Variants in LUZP2 observed in about 807,000 individuals in gnomAD.
LUZP2 encodes leucine zipper protein 2.
Under a neutral mutation model 51.6 loss-of-function variants are expected in LUZP2, and 52 were observed. That is an observed-to-expected ratio of 1.01 (90% CI 0.81 to 1.27). The LOEUF (loss-of-function observed/expected upper bound fraction) is 1.27. Ranked by LOEUF, LUZP2 falls within the 50% of genes most tolerant of loss-of-function variation. The pLI is 0.00. For synonymous variants in LUZP2, 154 were observed against 137.3 expected (o/e 1.12, Z -0.85); for missense variants, 436 against 395.4 (o/e 1.10, Z -0.87).
At chr11:24,629,511 ATT>A (rs1854801503) in intron 1 of LUZP2, among the ~76,000 whole-genome samples, 1 of 145,854 alleles carries the variant, frequency 6.9e-6, no homozygotes, top group African/African-American at 2.5e-5. Flanking sequence ...TTACATATAT[ATT>A]ATATATATTC....
intron 1 of LUZP2, among the ~76,000 whole-genome samples, chr11:24,554,701 A>ATTTTT (rs397747044): frequency 0.14 from 18,056 of 133,400 alleles, 1,589 homozygotes; most frequent in African/African-American, 0.18. Context: ...TGGTTATTTA[A>ATTTTT]TTTTTTTTTT....
chr11:24,790,000 T>C (rs1849364590), intron 5 of LUZP2, among the ~76,000 whole-genome samples: 1 of 152,232 alleles, frequency 6.6e-6, no homozygotes, highest in African/African-American at 2.4e-5. Flanking sequence ...GAGTTATCCA[T>C]GCTCTTATCT....
At position 24,497,210 on chromosome 11, in the gene LUZP2, C is replaced by G. The variant is rs1849851973; in HGVS notation, c.-34C>G. On this transcript the variant is annotated 5_prime_UTR_variant, in exon 1 of 12. Transcript: ENST00000336930. ...GGATCCCGAAGAGAGAGAGAGAAGG[C>G]AGCGAGGGAAGGAGGACCCCGGCAG... 2 of 1,503,384 alleles carry G rather than the reference C, an allele frequency of 1.3e-6. No individual in the cohort carries two copies. The highest frequency in any genetic ancestry group is 3.9e-5 in the Admixed American group (2 of 50,872). The allele number at this position is 1,503,384 out of a possible 1,614,324, so 93.1% of individuals were successfully genotyped here. A position where few individuals can be genotyped will look rare whatever the true frequency, so the allele number is the denominator to read the frequency against.
chr11:24,763,779 A>G (rs191858629), intron 5 of LUZP2, among the ~76,000 whole-genome samples: 2 of 152,282 alleles, frequency 1.3e-5, no homozygotes, highest in African/African-American at 2.4e-5. Flanking sequence ...TAAGCATCCT[A>G]TTAAATACTG....
At chr11:24,966,679 T>C (rs1360804160) in intron 7 of LUZP2, among the ~76,000 whole-genome samples, 1 of 147,992 alleles carries the variant, frequency 6.8e-6, no homozygotes, top group Non-Finnish European at 1.5e-5. Flanking sequence ...TTGTGAAATA[T>C]ATATTTTATA....
intron 5 of LUZP2, among the ~76,000 whole-genome samples, chr11:24,809,079 CT>C (rs1286950864): frequency 6.6e-6 from 1 of 152,010 alleles, no homozygotes; most frequent in Non-Finnish European, 1.5e-5. Context: ...ATATTAAGAA[CT>C]TATGACATGG....
At position 24,779,184 on chromosome 11, in the gene LUZP2, T is replaced by A. The variant is rs530564243; in HGVS notation, c.396+15876T>A. Among the ~76,000 whole-genome samples, 18 of 152,336 alleles carry A rather than the reference T, an allele frequency of 1.2e-4. No individual in the cohort carries two copies. In the South Asian group the frequency reaches 1.4e-3, roughly 12 times the overall value. ...TAACTTTAAAAGAAGTTGATTTTTT[T>A]AAAATAAAACATTATTTTCTGCGTT... On this transcript the variant is annotated intron_variant, in intron 5 of 11. Transcript: ENST00000336930.
At chr11:25,043,822 T>C (rs1295394707) in intron 9 of LUZP2, among the ~76,000 whole-genome samples, 1 of 147,776 alleles carries the variant, frequency 6.8e-6, no homozygotes, top group African/African-American at 2.5e-5. Context: ...AAAAAGTACA[T>C]AAATTGCAGT....
At chr11:24,728,165 C>G (rs144569307) in intron 1 of LUZP2, among the ~76,000 whole-genome samples, 1 of 151,818 alleles carries the variant, frequency 6.6e-6, no homozygotes, top group East Asian at 1.9e-4. Flanking sequence ...ACTTGTCGAC[C>G]CATCTTTCAC....
chr11:25,065,849 C>T (rs1027136902), intron 10 of LUZP2, among the ~76,000 whole-genome samples: 4 of 152,010 alleles, frequency 2.6e-5, no homozygotes, highest in South Asian at 2.1e-4. Context: ...TTTTCATGCT[C>T]ACTCATACAC....
intron 9 of LUZP2, among the ~76,000 whole-genome samples, chr11:25,030,930 AATATATATTATATATAT>A (rs1565254564): frequency 0.049 from 366 of 7,446 alleles, 35 homozygotes; most frequent in Admixed American, 0.093. Flanking sequence ...ATATATATAT[AATATATATTATATATAT>A]TATATATATA....
intron 5 of LUZP2, among the ~76,000 whole-genome samples, chr11:24,822,378 C>A (rs1850387091): frequency 6.6e-6 from 1 of 152,090 alleles, no homozygotes; most frequent in Non-Finnish European, 1.5e-5. Context: ...AGATTTCCCT[C>A]TTTGCATGTT....
intron 1 of LUZP2, among the ~76,000 whole-genome samples, chr11:24,565,839 G>A (rs1188498712): frequency 6.6e-6 from 1 of 151,982 alleles, no homozygotes; most frequent in Admixed American, 6.6e-5. Flanking sequence ...AATATTAGGT[G>A]GTTTCTTTAT....
At chr11:24,997,974 T>A (rs1292256151) in intron 9 of LUZP2, among the ~76,000 whole-genome samples, 1 of 152,184 alleles carries the variant, frequency 6.6e-6, no homozygotes, top group Non-Finnish European at 1.5e-5. Context: ...GTTCCATTGA[T>A]CTGTATCTCT....
chr11:24,506,575 C>G (rs560637438), intron 1 of LUZP2, among the ~76,000 whole-genome samples: 4 of 151,962 alleles, frequency 2.6e-5, no homozygotes, highest in Admixed American at 2.6e-4. Context: ...ATATCAAATC[C>G]CTTTTGTGTG....
intron 9 of LUZP2, among the ~76,000 whole-genome samples, chr11:25,037,403 A>G (rs1271282802): frequency 6.6e-6 from 1 of 152,026 alleles, no homozygotes; most frequent in Non-Finnish European, 1.5e-5. Context: ...TTGTCTTTTT[A>G]TCTAACCTGA....
At chr11:25,014,741 G>A (rs1215972069) in intron 9 of LUZP2, among the ~76,000 whole-genome samples, 2 of 152,116 alleles carry the variant, frequency 1.3e-5, no homozygotes, top group African/African-American at 4.8e-5. Flanking sequence ...CTGTGCAGAA[G>A]CTCTTTAGTT....
intron 7 of LUZP2, among the ~76,000 whole-genome samples, chr11:24,953,550 G>A (rs1195102132): frequency 6.6e-6 from 1 of 151,832 alleles, no homozygotes; most frequent in Non-Finnish European, 1.5e-5. Flanking sequence ...TTTAGAGGAG[G>A]GACTGAAAAA....
At chr11:24,541,722 T>C (rs116690063) in intron 1 of LUZP2, among the ~76,000 whole-genome samples, 24 of 152,220 alleles carry the variant, frequency 1.6e-4, no homozygotes, top group African/African-American at 5.8e-4. Context: ...ATTATTCAAA[T>C]GCTGCCTTAT....
Sources: gnomAD v4.1 joint callset for allele counts (sites outside exome capture counted in the v4.1 genomes callset) on GRCh38, gnomAD v4.1.1 for gene constraint, MANE v1.5 for transcripts, NCBI Gene and HGNC (gene_info 2026-07-23, HGNC 2026-07-21) for gene names.